SH3TC2: variants seen among roughly 807,000 people sequenced by gnomAD.
SH3TC2 encodes SH3 domain and tetratricopeptide repeats 2.
SH3TC2 carries 87 observed loss-of-function variants against 124.5 expected under a neutral mutation model. That is an observed-to-expected ratio of 0.70 (90% CI 0.59 to 0.84). SH3TC2 has a LOEUF of 0.84. Ranked by LOEUF, SH3TC2 falls within the 40% of genes least tolerant of loss-of-function variation. SH3TC2 has a pLI of 0.00. For synonymous variants in SH3TC2, 634 were observed against 628.5 expected (o/e 1.01, Z -0.13); for missense variants, 1,536 against 1,566.4 (o/e 0.98, Z 0.33).
Position 149,004,025 on chromosome 5 carries a change from A to T in SH3TC2, c.*686T>A, listed in dbSNP as rs1322318416. The T allele has an allele frequency of 5.2e-6, 1 of 192,312 alleles. No homozygotes were observed. Among genetic ancestry groups the T allele is most frequent in the East Asian group, 1.6e-4 (1 of 6,122 alleles). The allele number at this position is 192,312 out of a possible 1,614,324, so 11.9% of individuals were successfully genotyped here. A position where few individuals can be genotyped will look rare whatever the true frequency, so the allele number is the denominator to read the frequency against. On this transcript the variant is annotated 3_prime_UTR_variant, in exon 17 of 17. Coordinates refer to ENST00000515425, the MANE Select transcript of SH3TC2 (RefSeq NM_024577.4). ...TTATGTCATAATTTTCTTAACATTC[A>T]ATTTCCAAGCCTTTGCTCTTGGAAA...
chr5:149,008,620 T>C, intron 15 of SH3TC2: 1 of 597,504 alleles, frequency 1.7e-6, no homozygotes, highest in Non-Finnish European at 3.0e-6. Flanking sequence ...ATCACTGGTC[T>C]TCATAACAAC....
intron 1 of SH3TC2, among the ~76,000 whole-genome samples, chr5:149,056,508 A>G (rs1461618615): frequency 1.3e-5 from 2 of 152,162 alleles, no homozygotes; most frequent in Non-Finnish European, 2.9e-5. Flanking sequence ...TTTTATGAAA[A>G]GCTGAATTTT....
chr5:149,029,928 T>C (rs1445696967), intron 9 of SH3TC2, among the ~76,000 whole-genome samples: 1 of 152,118 alleles, frequency 6.6e-6, no homozygotes, highest in Non-Finnish European at 1.5e-5. Context: ...CTGAGTTCTC[T>C]AGTGAACTTT....
At position 149,038,156 on chromosome 5, in the gene SH3TC2, A is replaced by G. The variant is rs1009947888; in HGVS notation, c.1001+139T>C. The G allele has an allele frequency of 8.3e-6, 6 of 723,160 alleles. No individual in the cohort carries two copies. In the African/African-American group the frequency reaches 1.1e-4, roughly 13 times the overall value. The allele number at this position is 723,160 out of a possible 1,614,324, so 44.8% of individuals were successfully genotyped here. A position where few individuals can be genotyped will look rare whatever the true frequency, so the allele number is the denominator to read the frequency against. On this transcript the variant is annotated intron_variant, in intron 8 of 16. Transcript: ENST00000515425. ...CTCCTTTCTATCACTCTCTGTATCAACCTTGGTGTCAGCATGTGCTTTTCT... is the reference window on the plus strand; with the variant it reads ...CTCCTTTCTATCACTCTCTGTATCAGCCTTGGTGTCAGCATGTGCTTTTCT...
At chr5:149,013,789 T>G (rs1275969012) in intron 12 of SH3TC2, among the ~76,000 whole-genome samples, 2 of 152,200 alleles carry the variant, frequency 1.3e-5, no homozygotes, top group Non-Finnish European at 2.9e-5. Flanking sequence ...AGGAACACTG[T>G]GCATCATCTA....
chr5:149,046,541 G>T (rs1362907482), intron 3 of SH3TC2: 1 of 152,064 alleles, frequency 6.6e-6, no homozygotes, highest in Non-Finnish European at 1.5e-5. Context: ...ATGAAAAATG[G>T]CATTATCCCT....
intron 9 of SH3TC2, among the ~76,000 whole-genome samples, chr5:149,029,683 G>A (rs1177858811): frequency 2.0e-5 from 3 of 152,144 alleles, no homozygotes; most frequent in Non-Finnish European, 4.4e-5. Flanking sequence ...GGGGGTTACA[G>A]AGGCCAAGGT....
chr5:149,038,335 C>T lies in SH3TC2; in HGVS notation c.961G>A (p.Val321Ile), dbSNP rs1754316629. 1 of 1,614,166 alleles carries T rather than the reference C, an allele frequency of 6.2e-7. No homozygotes were observed. Among genetic ancestry groups the T allele is most frequent in the Non-Finnish European group, 8.5e-7 (1 of 1,180,010 alleles). Reference sequence around the variant, plus strand: ...TCAGGATCTATGTTCCTGGTGGGGACAAAGCCCACTTGTCCTGAACTTGTC... The same window carrying T: ...TCAGGATCTATGTTCCTGGTGGGGATAAAGCCCACTTGTCCTGAACTTGTC... Reference protein sequence around the residue: ...KSTSSGQVGFVPTRNIDPDSY... With the variant: ...KSTSSGQVGFIPTRNIDPDSY... The change falls in exon 8 of 17, where the codon GTC becomes ATC. Residue 321 changes from valine (V) to isoleucine (I), a missense_variant. Transcript: ENST00000515425.
Position 149,040,675 on chromosome 5 carries a change from C to A in SH3TC2, c.734G>T (p.Trp245Leu), listed in dbSNP as rs751095271. 3 of 1,614,060 alleles carry A rather than the reference C, an allele frequency of 1.9e-6. No individual in the cohort carries two copies. The Admixed American group carries it at 5.0e-5, about 27-fold the overall frequency. ...GCTTCCTGGATAATTCTTTAGGAAC[C>A]ACCTGCCAATGAAAACATGGGGTTT... ...LEPLPLPFHQ[W>L]FLKNYPGSCG... The change falls in exon 7 of 17, where the codon TGG becomes TTG. Residue 245 changes from tryptophan to leucine, a missense_variant and splice_region_variant. By Grantham distance (61) the Trp-to-Leu change is moderately conservative. This residue lies in a region of SH3TC2 where 1,102 missense variants were observed against 1,098.6 expected (regional missense o/e 1.00). Coordinates refer to ENST00000515425, the MANE Select transcript of SH3TC2 (RefSeq NM_024577.4).
intron 2 of SH3TC2, 121 bp from the exon 3 acceptor site, chr5:149,048,110 G>A: frequency 7.2e-7 from 1 of 1,395,300 alleles, no homozygotes; most frequent in Non-Finnish European, 1.0e-6. Flanking sequence ...GTCCTCATTA[G>A]TTACAGATTA....
At chr5:149,052,093 C>A (rs758363649) in intron 2 of SH3TC2, 49 bp downstream of exon 2, 2 of 1,272,268 alleles carry the variant, frequency 1.6e-6, no homozygotes, top group Non-Finnish European at 2.3e-6. Flanking sequence ...AAGAGGTTAT[C>A]GCAATACTCA....
At chr5:149,012,973 A>G (rs1355170184) in intron 12 of SH3TC2, among the ~76,000 whole-genome samples, 2 of 152,108 alleles carry the variant, frequency 1.3e-5, no homozygotes, top group African/African-American at 4.8e-5. Context: ...TGCCCACCTG[A>G]GCGGATTGTT....
rs1356645600 is a variant in SH3TC2, at chr5:148,987,096, C to T, written c.*17615G>A. 6.6e-6 allele frequency among the ~76,000 whole-genome samples: 1 copy of T among 152,142 alleles called. No individual in the cohort carries two copies. The highest frequency in any genetic ancestry group is 1.5e-5 in the Non-Finnish European group (1 of 68,020). On this transcript the variant is annotated 3_prime_UTR_variant, in exon 17 of 17. Coordinates refer to ENST00000515425, the MANE Select transcript of SH3TC2 (RefSeq NM_024577.4). ...GAAATTCTTTATTTTAGATCCATTC[C>T]AAAATCATCTTATTAGTCTCACACT...
intron 2 of SH3TC2, 46 bp downstream of exon 2, chr5:149,052,096 A>G (rs747246841): frequency 2.1e-5 from 28 of 1,306,706 alleles, no homozygotes; most frequent in Non-Finnish European, 3.0e-5. Context: ...AGGTTATCGC[A>G]ATACTCAACA....
At chr5:149,061,196 A>G (rs569478101) in intron 1 of SH3TC2, among the ~76,000 whole-genome samples, 87 of 152,292 alleles carry the variant, frequency 5.7e-4, no homozygotes, top group African/African-American at 2.0e-3. Context: ...ATTGAATGAT[A>G]GTGTTATTAT....
chr5:149,024,712 A>T (rs1580898332), intron 12 of SH3TC2, among the ~76,000 whole-genome samples: 2 of 151,694 alleles, frequency 1.3e-5, no homozygotes, highest in Admixed American at 1.3e-4. Flanking sequence ...GTGGCTTCTG[A>T]CTCCCTCCAG....
Position 148,982,470 on chromosome 5 carries a change from C to G in SH3TC2, c.*22241G>C, listed in dbSNP as rs1280372395. On this transcript the variant is annotated 3_prime_UTR_variant, in exon 17 of 17. Coordinates refer to ENST00000515425, the MANE Select transcript of SH3TC2 (RefSeq NM_024577.4). ...TTGATTGCAGCATTGTTTACAGTAG[C>G]ACAGTATCAAAAATAACCAAATTGA... 6.6e-6 allele frequency among the ~76,000 whole-genome samples: 1 copy of G among 152,124 alleles called. No homozygotes were observed. Among genetic ancestry groups the G allele is most frequent in the Non-Finnish European group, 1.5e-5 (1 of 68,018 alleles).
rs2127397007 is a variant in SH3TC2, at chr5:149,026,947, C to G, written c.2785G>C (p.Val929Leu). ...LVQVFLWLAQVLVSGHQLTHG... is the reference protein window; with the variant it reads ...LVQVFLWLAQLLVSGHQLTHG... ...GTCAGCTGGTGTCCAGACACCAGAACTTGGGCCAACCAGAGAAACACCTGT... is the reference window on the plus strand; with the variant it reads ...GTCAGCTGGTGTCCAGACACCAGAAGTTGGGCCAACCAGAGAAACACCTGT... The change falls in exon 11 of 17, where the codon GTT (valine) becomes CTT (leucine). Residue 929 changes from valine (V) to leucine (L), a missense_variant. Val to Leu is a conservative substitution (Grantham distance 32, BLOSUM62 1). Coordinates refer to ENST00000515425, the MANE Select transcript of SH3TC2 (RefSeq NM_024577.4). The G allele has an allele frequency of 5.0e-6, 8 of 1,614,168 alleles. No homozygotes were observed. Among genetic ancestry groups the G allele is most frequent in the Non-Finnish European group, 6.8e-6 (8 of 1,180,038 alleles).
At chr5:149,014,530 C>T (rs1486565881) in intron 12 of SH3TC2, among the ~76,000 whole-genome samples, 1 of 152,204 alleles carries the variant, frequency 6.6e-6, no homozygotes, top group Non-Finnish European at 1.5e-5. Context: ...AATGAGGCAG[C>T]TGTTGGCCTT....
Sources: allele counts gnomAD v4.1 joint callset (sites outside exome capture counted in the v4.1 genomes callset), GRCh38; gene constraint gnomAD v4.1.1; regional missense constraint gnomAD v4.1.1; transcripts MANE v1.5; gene names NCBI Gene and HGNC (gene_info 2026-07-23, HGNC 2026-07-21).